Variants in ARHGEF7 observed in about 807,000 individuals in gnomAD.
ARHGEF7 encodes the protein Rho guanine nucleotide exchange factor 7.
Under a neutral mutation model 109.8 loss-of-function variants are expected in ARHGEF7, and 33 were observed. That is an observed-to-expected ratio of 0.30 (90% CI 0.23 to 0.40). The LOEUF (loss-of-function observed/expected upper bound fraction) is 0.40. Among genes scored for constraint, ARHGEF7 ranks in the 10% least tolerant of loss-of-function variants. The pLI, the probability that ARHGEF7 is intolerant of heterozygous loss-of-function variation, is 1.00. For synonymous variants in ARHGEF7, 458 were observed against 424.6 expected, an observed-to-expected ratio of 1.08 and a Z score of -0.97; for missense variants, 938 against 1,098.5, an observed-to-expected ratio of 0.85 and a Z score of 2.07.
intron 1 of ARHGEF7, among the ~76,000 whole-genome samples, chr13:111,138,662 C>T (rs748615893): frequency 3.3e-5 from 5 of 152,172 alleles, no homozygotes; most frequent in South Asian, 4.1e-4. Context: ...CCGCTCGCAC[C>T]GTCCTTTCGG....
intron 2 of ARHGEF7, among the ~76,000 whole-genome samples, chr13:111,175,346 G>C (rs1349990310): frequency 6.6e-6 from 1 of 152,250 alleles, no homozygotes; most frequent in Non-Finnish European, 1.5e-5. Context: ...AGAAGACAGA[G>C]TGAGGGGAGA....
chr13:111,261,600 A>G (rs1393495577), intron 8 of ARHGEF7, among the ~76,000 whole-genome samples: 2 of 152,232 alleles, frequency 1.3e-5, no homozygotes, highest in East Asian at 3.8e-4. Context: ...CTTTAGAACA[A>G]ATCAATCTAA....
chr13:111,153,147 T>C (rs2075984393), intron 1 of ARHGEF7, among the ~76,000 whole-genome samples: 1 of 152,250 alleles, frequency 6.6e-6, no homozygotes, highest in Non-Finnish European at 1.5e-5. Context: ...AGTCATTGCA[T>C]TAGAATAGTA....
rs1356403945 is a variant in ARHGEF7 at position 111,283,339 on chromosome 13, C to G, written c.1926C>G (p.Pro642=). 6.5e-7 allele frequency: 1 copy of G among 1,550,382 alleles called. No individual in the cohort carries two copies. Among genetic ancestry groups the G allele is most frequent in the South Asian group, 1.2e-5 (1 of 84,762 alleles). ...SCLRPAPPLR[P]SAALCYKEDL... is the part of the protein sequence containing the mutation. Reference sequence around the variant, plus strand: ...TGCGGCCCGCGCCTCCCCTCCGGCCCTCAGCTGCTCTCTGCTACAAGGAGG... The same window carrying G: ...TGCGGCCCGCGCCTCCCCTCCGGCCGTCAGCTGCTCTCTGCTACAAGGAGG... The change falls in exon 16 of 22, where the codon CCC becomes CCG. Residue 642 remains proline (P), a synonymous_variant. Transcript: ENST00000646102.
intron 2 of ARHGEF7, among the ~76,000 whole-genome samples, chr13:111,167,636 CAT>C (rs370750360): frequency 2.8e-4 from 42 of 152,318 alleles, no homozygotes; most frequent in South Asian, 1.5e-3. Context: ...TTATAAATGA[CAT>C]GTGTGCATTC....
chr13:111,253,216 C>T (rs951113037), intron 8 of ARHGEF7, among the ~76,000 whole-genome samples: 9 of 152,230 alleles, frequency 5.9e-5, no homozygotes, highest in African/African-American at 2.2e-4. Flanking sequence ...ACTGTAGACC[C>T]TGTTACAGTA....
In ARHGEF7 at chr13:111,115,428, T is replaced by A; in HGVS notation, c.-99T>A. On this transcript the variant is annotated 5_prime_UTR_variant, in exon 1 of 22. An upstream start codon of the reference 5' UTR is lost. Transcript: ENST00000646102. The stretch of plus-strand genomic sequence containing the variant: ...CCAATCGCCGGCGCCGGCCGCTCGA[T>A]GGGCGAGGCGGCGGCGGCGGCGGCG... The A allele has an allele frequency of 1.1e-6, 1 of 921,436 alleles. No individual in the cohort carries two copies. Among genetic ancestry groups the A allele is most frequent in the Non-Finnish European group, 1.3e-6 (1 of 775,164 alleles). The allele number at this position is 921,436 out of a possible 1,614,324, so 57.1% of individuals were successfully genotyped here.
At chr13:111,301,386 C>G (rs1169654637) in intron 20 of ARHGEF7, 92 bp from the exon 21 acceptor site, 8 of 1,073,780 alleles carry the variant, frequency 7.5e-6, no homozygotes, top group Non-Finnish European at 1.1e-5. Context: ...CCGTGTCCTC[C>G]TCTCAGCATC....
intron 8 of ARHGEF7, among the ~76,000 whole-genome samples, chr13:111,263,319 A>G (rs1220096621): frequency 6.6e-6 from 1 of 152,228 alleles, no homozygotes; most frequent in Admixed American, 6.5e-5. Context: ...AAAAATCTAG[A>G]GCCTAGGCTC....
intron 13 of ARHGEF7, among the ~76,000 whole-genome samples, chr13:111,279,885 C>T (rs1055006121): frequency 2.0e-5 from 3 of 152,142 alleles, no homozygotes; most frequent in Non-Finnish European, 2.9e-5. Context: ...CATTTCTTTA[C>T]GAGGAAAATA....
In ARHGEF7 at chr13:111,162,348, A is replaced by T. The variant is rs2076812545; in HGVS notation, c.252+8357A>T. On this transcript the variant is annotated intron_variant, in intron 2 of 21. Transcript: ENST00000646102. ...ATTTCCTGCATTGGACTTTTGAAAGAGGATGTGAAAGAAAAGCTGCTAGAA... is the reference window on the plus strand; with the variant it reads ...ATTTCCTGCATTGGACTTTTGAAAGTGGATGTGAAAGAAAAGCTGCTAGAA... Among the ~76,000 whole-genome samples the T allele has an allele frequency of 2.0e-5, 3 of 152,246 alleles. No individual in the cohort carries two copies. The South Asian group carries it at 6.2e-4, about 31-fold the overall frequency.
chr13:111,260,203 G>T (rs996059751), intron 8 of ARHGEF7, among the ~76,000 whole-genome samples: 1 of 152,226 alleles, frequency 6.6e-6, no homozygotes, highest in Admixed American at 6.5e-5. Context: ...TATTCAAAGA[G>T]ATAACAGATA....
intron 8 of ARHGEF7, among the ~76,000 whole-genome samples, chr13:111,256,270 G>C (rs1201124277): frequency 1.3e-5 from 2 of 152,228 alleles, no homozygotes; most frequent in Admixed American, 6.5e-5. Context: ...AAACATTTTG[G>C]ATGATTAAGG....
chr13:111,280,239 G>GTTTT, intron 13 of ARHGEF7, 33 bp from the exon 14 acceptor site: 1 of 1,196,940 alleles, frequency 8.4e-7, no homozygotes, highest in African/African-American at 1.6e-5. Context: ...AGCACTAATT[G>GTTTT]TTTTTTTTTT....
intron 19 of ARHGEF7, 89 bp from the exon 20 acceptor site, chr13:111,300,652 CTTAATAT>C: frequency 2.4e-6 from 2 of 831,026 alleles, no homozygotes; most frequent in Non-Finnish European, 3.7e-6. Flanking sequence ...ATTGCTAGAA[CTTAATAT>C]TTAAGTGACA....
chr13:111,200,560 G>A (rs1410851624), intron 2 of ARHGEF7, among the ~76,000 whole-genome samples: 3 of 152,070 alleles, frequency 2.0e-5, no homozygotes, highest in Non-Finnish European at 4.4e-5. Context: ...CCCAGGTGAG[G>A]AACGGGACAC....
chr13:111,214,862 TAG>T (rs2082925170), intron 4 of ARHGEF7, among the ~76,000 whole-genome samples: 1 of 93,436 alleles, frequency 1.1e-5, no homozygotes, highest in African/African-American at 3.5e-5. Context: ...CACATTTAAA[TAG>T]ATAAGTATTA....
intron 19 of ARHGEF7, chr13:111,292,810 T>C (rs2093329345): frequency 1.0e-6 from 1 of 993,840 alleles, no homozygotes; most frequent in Admixed American, 5.5e-5. Flanking sequence ...GAAGAATATA[T>C]GCAGCAAAGG....
chr13:111,127,498 A>C (rs2067646825), intron 1 of ARHGEF7, among the ~76,000 whole-genome samples: 1 of 151,830 alleles, frequency 6.6e-6, no homozygotes. Context: ...ACTACAAAAA[A>C]TTTTAAAAAT....
Sources: gnomAD v4.1 joint callset for allele counts (sites outside exome capture counted in the v4.1 genomes callset) on GRCh38, gnomAD v4.1.1 for gene constraint, MANE v1.5 for transcripts, NCBI Gene and HGNC (gene_info 2026-07-23, HGNC 2026-07-21) for gene names.